DNAH11: variants seen among roughly 807,000 people sequenced by gnomAD.
DNAH11 encodes the protein dynein axonemal heavy chain 11.
A neutral mutation model predicts 526.0 loss-of-function variants in DNAH11; 442 were observed. The ratio of observed to expected loss-of-function variants is 0.84; its 90% CI spans 0.78 to 0.91. The LOEUF (loss-of-function observed/expected upper bound fraction) is 0.91, where lower values mean the gene tolerates loss of function less well. Among genes scored for constraint, DNAH11 ranks in the 40% least tolerant of loss-of-function variants. The pLI is 0.00. For missense variants in DNAH11, 6,989 were observed against 5,448.7 expected (o/e 1.28, Z -8.90); for synonymous variants, 2,461 against 1,935.9 (o/e 1.27, Z -7.12).
intron 28 of DNAH11, among the ~76,000 whole-genome samples, chr7:21,646,497 T>G (rs995650042): frequency 1.3e-5 from 2 of 152,116 alleles, no homozygotes; most frequent in Non-Finnish European, 2.9e-5. Context: ...CCAAAGTGAC[T>G]ATACTTTGCA....
At chr7:21,726,583 C>A (rs534869042) in intron 45 of DNAH11, among the ~76,000 whole-genome samples, 1 of 151,816 alleles carries the variant, frequency 6.6e-6, no homozygotes, top group Non-Finnish European at 1.5e-5. Context: ...TAGTGATGGC[C>A]AGGCGCGGTG....
At position 21,867,900 on chromosome 7, in the gene DNAH11, G is replaced by A; in HGVS notation, c.11732G>A (p.Arg3911Lys). The change falls in exon 72 of 82, where the codon AGG becomes AAG. Residue 3911 changes from arginine to lysine, a missense_variant. Arg to Lys is a conservative substitution (Grantham distance 26). Coordinates refer to ENST00000409508, the MANE Select transcript of DNAH11 (RefSeq NM_001277115.2). ...AAACTGGGTGCGAAGTATGTGGAGAGGACCAGATTGGACTTAGTTAAAGCA... is the reference window on the plus strand; with the variant it reads ...AAACTGGGTGCGAAGTATGTGGAGAAGACCAGATTGGACTTAGTTAAAGCA... ...EEKLGAKYVE[R>K]TRLDLVKAFE... is the part of the protein sequence containing the mutation. The A allele has an allele frequency of 6.3e-7, 1 of 1,580,732 alleles. No homozygotes were observed. Among genetic ancestry groups the A allele is most frequent in the South Asian group, 1.2e-5 (1 of 86,102 alleles).
rs139728419 is a variant in DNAH11, at chr7:21,783,148, A to T, written c.9484-1279A>T. ...TTTATCTGTAGCAGTGTTCTGTAGC[A>T]TACAGAAAATTTTCATGGTCCATTC... On this transcript the variant is annotated intron_variant, in intron 57 of 81. Transcript: ENST00000409508. 1.0e-3 allele frequency among the ~76,000 whole-genome samples: 158 copies of T among 152,266 alleles called. 4 individuals are homozygous for T. In the East Asian group the frequency reaches 0.028, roughly 27 times the overall value.
Position 21,690,822 on chromosome 7 carries a change from T to C in DNAH11, c.5982T>C (p.Thr1994=). The C allele has an allele frequency of 4.3e-6, 7 of 1,612,942 alleles. No individual in the cohort carries two copies. The highest frequency in any genetic ancestry group is 5.9e-6 in the Non-Finnish European group (7 of 1,179,576). ...TLKPSVGIFI[T]MNPGYAGRTE... ...AGCCATCAGTTGGAATATTTATTACTATGAACCCGGGTTATGCTGGTCGAA... is the reference window on the plus strand; with the variant it reads ...AGCCATCAGTTGGAATATTTATTACCATGAACCCGGGTTATGCTGGTCGAA... Residue 1994 remains threonine (T), a synonymous_variant, in exon 35 of 82, where the codon ACT becomes ACC. Transcript: ENST00000409508.
intron 30 of DNAH11, among the ~76,000 whole-genome samples, chr7:21,673,925 A>G (rs369079050): frequency 6.7e-6 from 1 of 150,160 alleles, no homozygotes; most frequent in African/African-American, 2.5e-5. Context: ...TTTGAATTCT[A>G]GTTTTCTACC....
intron 45 of DNAH11, among the ~76,000 whole-genome samples, chr7:21,728,956 G>T (rs1358745843): frequency 6.6e-6 from 1 of 152,262 alleles, no homozygotes; most frequent in African/African-American, 2.4e-5. Flanking sequence ...TAAGGCGGCA[G>T]TATTGCCCTT....
At chr7:21,662,263 A>G (rs1245298410) in intron 30 of DNAH11, among the ~76,000 whole-genome samples, 1 of 152,182 alleles carries the variant, frequency 6.6e-6, no homozygotes, top group African/African-American at 2.4e-5. Flanking sequence ...GTAGTTTATA[A>G]GAAAAATTTT....
chr7:21,746,196 C>T (rs920860198), intron 51 of DNAH11, among the ~76,000 whole-genome samples: 2 of 152,102 alleles, frequency 1.3e-5, no homozygotes, highest in African/African-American at 2.4e-5. Flanking sequence ...TGTTTACATC[C>T]GATACTGCTC....
At chr7:21,869,283 C>G (rs1783409358) in intron 73 of DNAH11, among the ~76,000 whole-genome samples, 1 of 152,158 alleles carries the variant, frequency 6.6e-6, no homozygotes, top group Admixed American at 6.5e-5. Flanking sequence ...TCAGTAGTGC[C>G]TGAGAACACG....
At chr7:21,751,143 A>G (rs1202385264) in intron 54 of DNAH11, among the ~76,000 whole-genome samples, 2 of 151,964 alleles carry the variant, frequency 1.3e-5, no homozygotes, top group African/African-American at 2.4e-5. Flanking sequence ...GGCCAACATG[A>G]TGAAACCCCA....
rs1782756658 is a variant in DNAH11 at position 21,545,151 on chromosome 7, T to C, written c.495+2T>C. 6.2e-7 allele frequency: 1 copy of C among 1,606,880 alleles called. No homozygotes were observed. The highest frequency in any genetic ancestry group is 1.3e-5 in the African/African-American group (1 of 74,684). On this transcript the variant is annotated splice_donor_variant, in intron 2 of 81. Coordinates refer to ENST00000409508, the MANE Select transcript of DNAH11 (RefSeq NM_001277115.2). LOFTEE classifies it high-confidence loss of function. ...CATGTATCTGCTTTCCTTGATGAGG[T>C]ACTGGTCTGTCTTTAATATTTAAAG...
chr7:21,852,025 A>G lies in DNAH11; in HGVS notation c.10897-442A>G, dbSNP rs527805148. Among the ~76,000 whole-genome samples, 7 of 152,248 alleles carry G rather than the reference A, an allele frequency of 4.6e-5. No homozygotes were observed. The South Asian group carries it at 1.5e-3, about 32-fold the overall frequency. ...GAAGTTTTTTAAAGAATTTCTAAAA[A>G]TTGTGATTGGTATGATTTTAATGTT... On this transcript the variant is annotated intron_variant, in intron 66 of 81. Transcript: ENST00000409508.
chr7:21,687,479 C>T lies in DNAH11; in HGVS notation c.5876C>T (p.Ala1959Val). ...TCTGTGGAAGTTCTGTCAGTGGTGG[C>T]AGTACAAGTGAAAATGATTCATGAT... Reference protein sequence around the residue: ...RISVEVLSVVAVQVKMIHDAI... With the variant: ...RISVEVLSVVVVQVKMIHDAI... The change falls in exon 34 of 82, where the codon GCA becomes GTA. Residue 1959 changes from alanine (A) to valine (V), a missense_variant. Physicochemically the swap from Ala to Val is moderately conservative, Grantham distance 64 (BLOSUM62 0). Coordinates refer to ENST00000409508, the MANE Select transcript of DNAH11 (RefSeq NM_001277115.2). The T allele has an allele frequency of 6.2e-7, 1 of 1,613,640 alleles. No individual in the cohort carries two copies.
intron 9 of DNAH11, among the ~76,000 whole-genome samples, chr7:21,587,165 T>C (rs749383258): frequency 6.6e-6 from 1 of 152,158 alleles, no homozygotes; most frequent in African/African-American, 2.4e-5. Context: ...AGAATCCACA[T>C]TGGGTAGTAA....
intron 58 of DNAH11, 127 bp from the exon 59 acceptor site, chr7:21,786,497 G>A: frequency 7.9e-7 from 1 of 1,269,460 alleles, no homozygotes; most frequent in Admixed American, 2.6e-5. Flanking sequence ...GCAAAGAATT[G>A]CCAAATTGAG....
intron 58 of DNAH11, among the ~76,000 whole-genome samples, chr7:21,786,301 C>CGTGTGTGTGTGT (rs201711952): frequency 1.6e-4 from 19 of 115,694 alleles, no homozygotes; most frequent in South Asian, 5.3e-4. Flanking sequence ...AACATATACA[C>CGTGTGTGTGTGT]ATGTGTGTGT....
intron 66 of DNAH11, chr7:21,851,590 G>C (rs1477329418): frequency 4.2e-6 from 2 of 471,554 alleles, no homozygotes; most frequent in Non-Finnish European, 4.4e-6. Flanking sequence ...CCCAGAGCTG[G>C]TGTAGATTTT....
At chr7:21,821,341 G>A (rs1790040449) in intron 65 of DNAH11, among the ~76,000 whole-genome samples, 1 of 152,162 alleles carries the variant, frequency 6.6e-6, no homozygotes, top group African/African-American at 2.4e-5. Flanking sequence ...TGACCACGTA[G>A]ATTGGGGAAT....
chr7:21,823,184 C>T (rs1454217922), intron 65 of DNAH11, among the ~76,000 whole-genome samples: 1 of 151,858 alleles, frequency 6.6e-6, no homozygotes, highest in Non-Finnish European at 1.5e-5. Context: ...GTCTTATCCC[C>T]AAAATCTTTT....
Sources: allele counts gnomAD v4.1 joint callset (sites outside exome capture counted in the v4.1 genomes callset), GRCh38; gene constraint gnomAD v4.1.1; transcripts MANE v1.5; gene names NCBI Gene and HGNC (gene_info 2026-07-23, HGNC 2026-07-21).